DNAJB12: variants seen among roughly 807,000 people sequenced by gnomAD.
DNAJB12 encodes the protein dnaJ homolog subfamily B member 12.
DNAJB12 carries 14 observed loss-of-function variants against 40.6 expected under a neutral mutation model. The observed-to-expected ratio is 0.34, with a 90% confidence interval of 0.23 to 0.54. DNAJB12 has a LOEUF of 0.54. Among genes scored for constraint, DNAJB12 ranks in the 20% least tolerant of loss-of-function variants. DNAJB12 has a pLI of 0.92. For synonymous variants in DNAJB12, 181 were observed against 199.5 expected, an observed-to-expected ratio of 0.91 and a Z score of 0.78; for missense variants, 444 against 501.7, an observed-to-expected ratio of 0.89 and a Z score of 1.10.
intron 1 of DNAJB12, among the ~76,000 whole-genome samples, chr10:72,346,159 T>C (rs1261816805): frequency 6.6e-6 from 1 of 152,140 alleles, no homozygotes; most frequent in East Asian, 1.9e-4. Flanking sequence ...TAGAGTTATT[T>C]TTTTTTATTT....
chr10:72,336,709 ACC>A lies in DNAJB12; in HGVS notation c.834-15_834-14del. On this transcript the variant is annotated splice_polypyrimidine_tract_variant and intron_variant, in intron 6 of 8. Coordinates refer to ENST00000444643, the MANE Select transcript of DNAJB12 (RefSeq NM_017626.7). Reference sequence around the variant, plus strand: ...GTGGCCCACGGACCTGGCCAGAAATACCAGGTTCAAAGTGGGTGCGGGTCCCC... The same window carrying A: ...GTGGCCCACGGACCTGGCCAGAAATAAGGTTCAAAGTGGGTGCGGGTCCCC... The A allele has an allele frequency of 6.2e-7, 1 of 1,612,338 alleles. No homozygotes were observed. Among genetic ancestry groups the A allele is most frequent in the African/African-American group, 1.3e-5 (1 of 74,996 alleles).
At position 72,334,841 on chromosome 10, in the gene DNAJB12, C is replaced by G. The variant is rs114987784; in HGVS notation, c.*31-224G>C. On this transcript the variant is annotated intron_variant, in intron 8 of 8. Transcript: ENST00000444643. ...TGGATCCAGGCCGGGAGGACACAGGCAAAGGAGGGGGTGGGCAGGGCACCC... is the reference window on the plus strand; with the variant it reads ...TGGATCCAGGCCGGGAGGACACAGGGAAAGGAGGGGGTGGGCAGGGCACCC... 1,883 of 1,347,968 alleles carry G rather than the reference C, an allele frequency of 1.4e-3. 24 individuals carry two copies. In the African/African-American group the frequency reaches 0.024, roughly 17 times the overall value. 83.5% of individuals were successfully genotyped at this position (1,347,968 alleles called of 1,614,324 possible).
chr10:72,348,011 G>A (rs1214043728), intron 1 of DNAJB12, among the ~76,000 whole-genome samples: 1 of 151,364 alleles, frequency 6.6e-6, no homozygotes, highest in Non-Finnish European at 1.5e-5. Flanking sequence ...ATCGCCTGAG[G>A]TCAGGAGTTT....
intron 4 of DNAJB12, 56 bp downstream of exon 4, chr10:72,340,929 G>A: frequency 6.2e-7 from 1 of 1,608,436 alleles, no homozygotes; most frequent in South Asian, 1.1e-5. Flanking sequence ...AGGCTGGCAT[G>A]CCATTCCCAC....
At chr10:72,345,893 C>CAAAA (rs1247241424) in intron 1 of DNAJB12, among the ~76,000 whole-genome samples, 1 of 61,732 alleles carries the variant, frequency 1.6e-5, no homozygotes. Flanking sequence ...GGATCTGTCT[C>CAAAA]AAAAAAAAAA....
intron 4 of DNAJB12, 35 bp downstream of exon 4, chr10:72,340,950 G>A (rs1218168841): frequency 1.2e-6 from 2 of 1,610,256 alleles, no homozygotes; most frequent in Non-Finnish European, 1.7e-6. Context: ...CATCACCCCA[G>A]GGATACCTGG....
intron 1 of DNAJB12, chr10:72,354,249 TG>T (rs1862007391): frequency 6.5e-6 from 1 of 153,070 alleles, no homozygotes; most frequent in Non-Finnish European, 1.5e-5. Context: ...TTTGGGAGAG[TG>T]GTCCCTGACC....
intron 1 of DNAJB12, among the ~76,000 whole-genome samples, chr10:72,348,517 G>A (rs1366882316): frequency 2.6e-5 from 4 of 152,206 alleles, no homozygotes; most frequent in African/African-American, 4.8e-5. Flanking sequence ...GCCTGAAGAC[G>A]CCATGCTGGG....
chr10:72,354,259 C>T (rs961454823), intron 1 of DNAJB12: 12 of 154,502 alleles, frequency 7.8e-5, no homozygotes, highest in African/African-American at 2.9e-4. Context: ...TGGTCCCTGA[C>T]CCTCAGCCCG....
At chr10:72,340,944 A>G (rs1589126566) in intron 4 of DNAJB12, 41 bp downstream of exon 4, 3 of 1,608,714 alleles carry the variant, frequency 1.9e-6, no homozygotes, top group East Asian at 4.5e-5. Flanking sequence ...TCCCACCATC[A>G]CCCCAGGGAT....
chr10:72,351,859 A>G (rs914693599), intron 1 of DNAJB12, among the ~76,000 whole-genome samples: 24 of 152,080 alleles, frequency 1.6e-4, no homozygotes, highest in African/African-American at 5.3e-4. Flanking sequence ...GGACTATCCC[A>G]CTGGCACCTC....
At chr10:72,347,350 G>C (rs1016902103) in intron 1 of DNAJB12, among the ~76,000 whole-genome samples, 2 of 152,184 alleles carry the variant, frequency 1.3e-5, no homozygotes, top group Non-Finnish European at 2.9e-5. Context: ...CTGCAAAGGG[G>C]ACCCCGCTTA....
Position 72,344,961 on chromosome 10 carries a change from T to C in DNAJB12, c.300A>G (p.Ala100=). Residue 100 remains alanine (A), a synonymous_variant, in exon 2 of 9, where the codon GCA becomes GCG. Coordinates refer to ENST00000444643, the MANE Select transcript of DNAJB12 (RefSeq NM_017626.7). ...STKGYTAEQV[A]AVKRVKQCKD... is the part of the protein sequence containing the mutation. ...GCCCACCCATCTACCTTTTCACAGCTGCAACCTGTTCTGCAGTGTAGCCTT... is the reference window on the plus strand; with the variant it reads ...GCCCACCCATCTACCTTTTCACAGCCGCAACCTGTTCTGCAGTGTAGCCTT... 1 of 1,614,202 alleles carries C rather than the reference T, an allele frequency of 6.2e-7. No homozygotes were observed. Among genetic ancestry groups the C allele is most frequent in the Non-Finnish European group, 8.5e-7 (1 of 1,180,016 alleles).
chr10:72,336,050 C>A, intron 7 of DNAJB12, 119 bp from the exon 8 acceptor site: 1 of 1,307,726 alleles, frequency 7.6e-7, no homozygotes, highest in Non-Finnish European at 1.1e-6. Context: ...TTGGGCAGGG[C>A]TGGCCTCCCA....
chr10:72,336,429 A>T, intron 7 of DNAJB12, 95 bp downstream of exon 7: 2 of 1,372,184 alleles, frequency 1.5e-6, no homozygotes, highest in Non-Finnish European at 2.0e-6. Context: ...GGGCCCTCAG[A>T]GCACAGGGTG....
intron 5 of DNAJB12, among the ~76,000 whole-genome samples, chr10:72,340,237 G>A (rs929996968): frequency 1.4e-4 from 22 of 151,960 alleles, no homozygotes; most frequent in African/African-American, 4.3e-4. Flanking sequence ...CCAGTTACTC[G>A]GGAGGCTGAG....
At chr10:72,349,612 C>A (rs560519787) in intron 1 of DNAJB12, among the ~76,000 whole-genome samples, 1 of 152,174 alleles carries the variant, frequency 6.6e-6, no homozygotes, top group African/African-American at 2.4e-5. Flanking sequence ...CCAGGCTGAG[C>A]CTGGCAGATC....
intron 5 of DNAJB12, among the ~76,000 whole-genome samples, chr10:72,339,512 C>A (rs1345735731): frequency 6.7e-6 from 1 of 149,134 alleles, no homozygotes; most frequent in East Asian, 2.0e-4. Context: ...CCGGCATGGG[C>A]AACAGAGCGA....
At chr10:72,346,048 C>A (rs1297165648) in intron 1 of DNAJB12, among the ~76,000 whole-genome samples, 1 of 152,106 alleles carries the variant, frequency 6.6e-6, no homozygotes, top group Non-Finnish European at 1.5e-5. Flanking sequence ...TATACTTATA[C>A]ATATATCTCT....
Sources: gnomAD v4.1 joint callset for allele counts (sites outside exome capture counted in the v4.1 genomes callset) on GRCh38, gnomAD v4.1.1 for gene constraint, MANE v1.5 for transcripts, NCBI Gene and HGNC (gene_info 2026-07-23, HGNC 2026-07-21) for gene names.